Variants in MYH8 observed in about 807,000 individuals in gnomAD.
MYH8 encodes myosin heavy chain 8, also known as myosin-8.
MYH8 carries 168 observed loss-of-function variants against 233.2 expected under a neutral mutation model. The ratio of observed to expected loss-of-function variants is 0.72; its 90% CI spans 0.64 to 0.82. MYH8 has a LOEUF of 0.82. MYH8 is among the 40% of genes least tolerant of loss of function. The pLI is 0.00. For synonymous variants in MYH8, 785 were observed against 850.6 expected (o/e 0.92, Z 1.34); for missense variants, 1,995 against 2,327.8 (o/e 0.86, Z 2.94).
Position 10,399,887 on chromosome 17 carries a change from G to A in MYH8, c.3736-218C>T, listed in dbSNP as rs143749291. Among the ~76,000 whole-genome samples the A allele has an allele frequency of 1.4e-4, 22 of 152,256 alleles. No individual in the cohort carries two copies. The East Asian group carries it at 4.3e-3, about 29-fold the overall frequency. Reference sequence around the variant, plus strand: ...GACCATTTATTCCAATGATATTGACGCTTGCTTAAAGTGGATTTTGAAATC... The same window carrying A: ...GACCATTTATTCCAATGATATTGACACTTGCTTAAAGTGGATTTTGAAATC... On this transcript the variant is annotated intron_variant, in intron 27 of 39. Transcript: ENST00000403437.
chr17:10,407,716 G>A (rs1273398965), intron 17 of MYH8, among the ~76,000 whole-genome samples: 1 of 151,930 alleles, frequency 6.6e-6, no homozygotes, highest in East Asian at 1.9e-4. Flanking sequence ...ACGGGTGCCT[G>A]TAATACCAGC....
chr17:10,393,973 T>G (rs1394181241), intron 35 of MYH8, among the ~76,000 whole-genome samples: 1 of 135,986 alleles, frequency 7.4e-6, no homozygotes, highest in Admixed American at 7.5e-5. Context: ...ATCTTATTTT[T>G]AAATAAAAAA....
chr17:10,397,702 A>G (rs2072092784), intron 30 of MYH8, among the ~76,000 whole-genome samples: 1 of 152,212 alleles, frequency 6.6e-6, no homozygotes, highest in South Asian at 2.1e-4. Context: ...GAGGTTAACT[A>G]GATATTTTAC....
chr17:10,399,545 G>T lies in MYH8; in HGVS notation c.3860C>A (p.Ala1287Glu). 1 of 1,613,242 alleles carries T rather than the reference G, an allele frequency of 6.2e-7. No individual in the cohort carries two copies. The change falls in exon 28 of 40, where the codon GCG becomes GAG. Residue 1287 changes from alanine to glutamate, a missense_variant and splice_region_variant. This residue lies in a region of MYH8 where 1,498 missense variants were observed against 1,680.9 expected (regional missense o/e 0.89). Coordinates refer to ENST00000403437, the MANE Select transcript of MYH8 (RefSeq NM_002472.3). ...TAQRARLQTE[A>E]GEYSRQLDEK... ...GGACCCAGAGAAGATGTCTTTACCC[G>T]CTTCTGTCTGCAGGCGCGCTCTCTG...
rs150805814 is a variant in MYH8, at chr17:10,418,781, A to G, written c.375T>C (p.Cys125=). The G allele has an allele frequency of 3.0e-5, 49 of 1,613,864 alleles. No individual in the cohort carries two copies. The African/African-American group carries it at 6.5e-4, about 22-fold the overall frequency. The stretch of plus-strand genomic sequence containing the variant: ...GCCACTTGTAGGGGTTGACGGTGAC[A>G]CAGAAGAGGCCTGAGTAGGTCTGGG... ...WMIYTYSGLF[C]VTVNPYKWLP... The change falls in exon 5 of 40, where the codon TGT becomes TGC. Residue 125 remains cysteine (C), a synonymous_variant. Coordinates refer to ENST00000403437, the MANE Select transcript of MYH8 (RefSeq NM_002472.3).
At chr17:10,412,548 A>G in intron 13 of MYH8, 29 bp from the exon 14 acceptor site, 1 of 1,614,184 alleles carries the variant, frequency 6.2e-7, no homozygotes, top group Non-Finnish European at 8.5e-7. Context: ...GTTTGTTGGT[A>G]TTGTTAAAGA....
intron 10 of MYH8, 29 bp downstream of exon 10, chr17:10,414,357 T>C (rs1428443498): frequency 5.0e-6 from 8 of 1,597,016 alleles, no homozygotes; most frequent in Admixed American, 1.7e-5. Context: ...AATATTAACT[T>C]CTATCTATGA....
At position 10,400,159 on chromosome 17, in the gene MYH8, C is replaced by T. The variant is rs2072122806; in HGVS notation, c.3735+231G>A. Among the ~76,000 whole-genome samples, 1 of 152,054 alleles carries T rather than the reference C, an allele frequency of 6.6e-6. No homozygotes were observed. Among genetic ancestry groups the T allele is most frequent in the Non-Finnish European group, 1.5e-5 (1 of 68,010 alleles). ...CGGAGCTTGCAGTGAGCCGAGATTG[C>T]GCCACTGCACTTCAGCCTGGGCGAC... On this transcript the variant is annotated intron_variant, in intron 27 of 39. Coordinates refer to ENST00000403437, the MANE Select transcript of MYH8 (RefSeq NM_002472.3). This position sits in a 1 kb window ranked among gnomAD's most constrained non-coding sequence, Gnocchi z 4.0.
intron 36 of MYH8, 27 bp downstream of exon 36, chr17:10,393,058 T>G: frequency 6.2e-7 from 1 of 1,614,258 alleles, no homozygotes; most frequent in South Asian, 1.1e-5. Context: ...GGTGCATACG[T>G]GTCAGTAGGC....
chr17:10,414,055 G>A lies in MYH8; in HGVS notation c.1009-15C>T, dbSNP rs1050877625. ...TCAATGGCACTCTACCAGGAAAAAT[G>A]AGAGGACAAAAGTTAGGGCTGAAGA... is the stretch of plus-strand genomic sequence containing the variant. On this transcript the variant is annotated splice_polypyrimidine_tract_variant and intron_variant, in intron 11 of 39. Transcript: ENST00000403437. 1 of 1,614,032 alleles carries A rather than the reference G, an allele frequency of 6.2e-7. No individual in the cohort carries two copies. Among genetic ancestry groups the A allele is most frequent in the Non-Finnish European group, 8.5e-7 (1 of 1,180,010 alleles).
chr17:10,400,755 C>T lies in MYH8; in HGVS notation c.3370G>A (p.Glu1124Lys). 6.2e-7 allele frequency: 1 copy of T among 1,614,192 alleles called. No individual in the cohort carries two copies. The highest frequency in any genetic ancestry group is 8.5e-7 in the Non-Finnish European group (1 of 1,180,054). Residue 1124 changes from glutamate to lysine, a missense_variant, in exon 27 of 40, where the codon GAA (glutamate) becomes AAA (lysine). Glu to Lys is a moderately conservative substitution (Grantham distance 56, BLOSUM62 1). Coordinates refer to ENST00000403437, the MANE Select transcript of MYH8 (RefSeq NM_002472.3). The surrounding 1 kb of genome is among the most constrained non-coding windows in gnomAD (Gnocchi z 4.0). Reference sequence around the variant, plus strand: ...CGGGACGCCCTCTCTGCCTCGATTTCTTCCCCCAGCTCCTCAATGCGGGCC... The same window carrying T: ...CGGGACGCCCTCTCTGCCTCGATTTTTTCCCCCAGCTCCTCAATGCGGGCC... ...LQARIEELGE[E>K]IEAERASRAK...
intron 14 of MYH8, 92 bp from the exon 15 acceptor site, chr17:10,411,039 A>G: frequency 6.3e-7 from 1 of 1,593,934 alleles, no homozygotes. Flanking sequence ...AAAAATGTGG[A>G]ATGTAGTAAT....
chr17:10,401,034 A>G lies in MYH8; in HGVS notation c.3254+12T>C. The G allele has an allele frequency of 6.2e-7, 1 of 1,614,096 alleles. No individual in the cohort carries two copies. On this transcript the variant is annotated intron_variant, in intron 25 of 39. Transcript: ENST00000403437. ...GATATCACATAGAAGTTTTTTTCTA[A>G]AAGGCTCCTACTTTTCAAGCTTTTC...
Position 10,412,619 on chromosome 17 carries a change from A to G in MYH8, c.1257T>C (p.Thr419=), listed in dbSNP as rs755225164. The change falls in exon 13 of 40, where the codon ACT becomes ACC. Residue 419 remains threonine (T), a synonymous_variant. Coordinates refer to ENST00000403437, the MANE Select transcript of MYH8 (RefSeq NM_002472.3). ...GAGGTCATGCACTTACCTGCTGCAC[A>G]GTCTGGCCTTTGGTGACATACTCAT... ...VGNEYVTKGQ[T]VQQVYNAVGA... 1.2e-5 allele frequency: 20 copies of G among 1,614,150 alleles called. No homozygotes were observed. Among genetic ancestry groups the G allele is most frequent in the Non-Finnish European group, 1.6e-5 (19 of 1,180,052 alleles).
chr17:10,408,128 A>G (rs2072212029), intron 17 of MYH8, among the ~76,000 whole-genome samples: 1 of 151,860 alleles, frequency 6.6e-6, no homozygotes. Context: ...CTTAGTAAAG[A>G]TGGGGTTTCA....
intron 13 of MYH8, 27 bp downstream of exon 13, chr17:10,412,583 T>G (rs112631729): frequency 1.2e-6 from 2 of 1,614,170 alleles, no homozygotes; most frequent in East Asian, 4.5e-5. Context: ...CTGAGATGTG[T>G]GTGATTCATT....
chr17:10,414,029 G>T lies in MYH8; in HGVS notation c.1020C>A (p.Asp340Glu), dbSNP rs780026565. 6.8e-6 allele frequency: 11 copies of T among 1,613,984 alleles called. No individual in the cohort carries two copies. Among genetic ancestry groups the T allele is most frequent in the Non-Finnish European group, 9.3e-6 (11 of 1,180,020 alleles). ...EELMATDSAIDILGFTPEEKV... is the reference protein window; with the variant it reads ...EELMATDSAIEILGFTPEEKV... ...TCTCTTCAGGAGTGAAGCCCAGGAT[G>T]TCAATGGCACTCTACCAGGAAAAAT... Residue 340 changes from aspartate (D) to glutamate (E), a missense_variant, in exon 12 of 40, where the codon GAC becomes GAA. Asp to Glu is a conservative substitution (Grantham distance 45, BLOSUM62 2). Around this residue, in one of 3 missense-constraint regions of MYH8, gnomAD observed 479 missense variants for 600.9 expected, o/e 0.80. Transcript: ENST00000403437.
rs766563318 is a variant in MYH8 at position 10,396,443 on chromosome 17, C to A, written c.4540G>T (p.Asp1514Tyr). 1.2e-6 allele frequency: 2 copies of A among 1,614,086 alleles called. No homozygotes were observed. The highest frequency in any genetic ancestry group is 8.5e-7 in the Non-Finnish European group (1 of 1,180,020). ...CCCTCTGCAATCTGCTCAGTGAGGT[C>A]AGAAATCTCCTCTGTGGTTGAACAG... ...ENKNLQQEIS[D>Y]LTEQIAEGGK... Residue 1514 changes from aspartate (D) to tyrosine (Y), a missense_variant, in exon 33 of 40, where the codon GAC becomes TAC. By Grantham distance (160) the Asp-to-Tyr change is radical (BLOSUM62 -3). Coordinates refer to ENST00000403437, the MANE Select transcript of MYH8 (RefSeq NM_002472.3). The surrounding 1 kb of genome is among the most constrained non-coding windows in gnomAD (Gnocchi z 4.2).
At position 10,396,571 on chromosome 17, in the gene MYH8, C is replaced by T. The variant is rs1392348379; in HGVS notation, c.4510G>A (p.Glu1504Lys). 6.2e-7 allele frequency: 1 copy of T among 1,613,988 alleles called. No homozygotes were observed. The highest frequency in any genetic ancestry group is 8.5e-7 in the Non-Finnish European group (1 of 1,179,998). ...GACTCACGTTGCAAGTTCTTATTTTCTCTTCTTAGCGTTTCGAGTTGATCC... is the reference window on the plus strand; with the variant it reads ...GACTCACGTTGCAAGTTCTTATTTTTTCTTCTTAGCGTTTCGAGTTGATCC... Reference protein sequence around the residue: ...SLDQLETLRRENKNLQQEISD... With the variant: ...SLDQLETLRRKNKNLQQEISD... The change falls in exon 32 of 40, where the codon GAA becomes AAA. Residue 1504 changes from glutamate (E) to lysine (K), a missense_variant. By Grantham distance (56) the Glu-to-Lys change is moderately conservative. Around this residue, in one of 3 missense-constraint regions of MYH8, gnomAD observed 1,498 missense variants for 1,680.9 expected, o/e 0.89. Transcript: ENST00000403437. This position sits in a 1 kb window ranked among gnomAD's most constrained non-coding sequence, Gnocchi z 4.2.
Sources: allele counts gnomAD v4.1 joint callset (sites outside exome capture counted in the v4.1 genomes callset), GRCh38; gene constraint gnomAD v4.1.1; regional missense constraint gnomAD v4.1.1; non-coding constraint Gnocchi (gnomAD v3.1); transcripts MANE v1.5; gene names NCBI Gene and HGNC (gene_info 2026-07-23, HGNC 2026-07-21).